The following ZFHX3 variants were observed in gnomAD, a reference collection of about 807,000 sequenced individuals.
The protein encoded by ZFHX3 is zinc finger homeobox 3, also known as zinc finger homeobox protein 3.
A neutral mutation model predicts 279.1 loss-of-function variants in ZFHX3; 42 were observed. The ratio of observed to expected loss-of-function variants is 0.15; its 90% CI spans 0.12 to 0.19. The LOEUF (loss-of-function observed/expected upper bound fraction) is 0.19, where lower values mean the gene tolerates loss of function less well. Among genes scored for constraint, ZFHX3 ranks in the 10% least tolerant of loss-of-function variants. The probability of loss-of-function intolerance (pLI) is 1.00; values close to 1 mark genes in which losing one functional copy is unlikely to be tolerated. For synonymous variants in ZFHX3, 2,293 were observed against 1,957.8 expected (o/e 1.17, Z -4.52); for missense variants, 4,981 against 4,754.0 (o/e 1.05, Z -1.40).
At chr16:73,774,572 C>T (rs1437498931) in intron 1 of ZFHX3, among the ~76,000 whole-genome samples, 1 of 152,166 alleles carries the variant, frequency 6.6e-6, no homozygotes, top group African/African-American at 2.4e-5. Flanking sequence ...TCCTAAGTAA[C>T]AAATATGCTT....
chr16:73,421,705 T>C (rs1250062750), intron 3 of ZFHX3, among the ~76,000 whole-genome samples: 1 of 152,166 alleles, frequency 6.6e-6, no homozygotes, highest in Non-Finnish European at 1.5e-5. Context: ...GAATCTGCAC[T>C]TGTGGCAGAA....
chr16:73,085,107 C>T (rs1965996357), intron 8 of ZFHX3, among the ~76,000 whole-genome samples: 1 of 152,136 alleles, frequency 6.6e-6, no homozygotes, highest in South Asian at 2.1e-4. Flanking sequence ...AAGAACAAAG[C>T]TGGAGGCACT....
At chr16:73,390,856 C>G (rs1190008244) in intron 3 of ZFHX3, among the ~76,000 whole-genome samples, 1 of 152,068 alleles carries the variant, frequency 6.6e-6, no homozygotes, top group Non-Finnish European at 1.5e-5. Context: ...TAAAAAAAAT[C>G]ATTAAACAAC....
chr16:73,673,949 A>G (rs1287552455), intron 2 of ZFHX3, among the ~76,000 whole-genome samples: 1 of 152,212 alleles, frequency 6.6e-6, no homozygotes, highest in Admixed American at 6.5e-5. Context: ...CCCCTAAGTC[A>G]GGTGACGAAC....
At chr16:73,641,683 A>G (rs538353069) in intron 2 of ZFHX3, among the ~76,000 whole-genome samples, 32 of 152,142 alleles carry the variant, frequency 2.1e-4, no homozygotes, top group Non-Finnish European at 4.3e-4. Context: ...AATAAGTAAA[A>G]GCAGCATTAT....
At chr16:73,747,235 T>C (rs1463497560) in intron 1 of ZFHX3, among the ~76,000 whole-genome samples, 1 of 152,008 alleles carries the variant, frequency 6.6e-6, no homozygotes, top group Non-Finnish European at 1.5e-5. Context: ...ATAATAAAAA[T>C]TAGCCAGACA....
chr16:72,862,226 TGG>T (rs920584195), intron 4 of ZFHX3, among the ~76,000 whole-genome samples: 1 of 152,104 alleles, frequency 6.6e-6, no homozygotes, highest in Non-Finnish European at 1.5e-5. Flanking sequence ...CTTACAAAGG[TGG>T]GTCTGGTGGT....
intron 3 of ZFHX3, among the ~76,000 whole-genome samples, chr16:72,893,555 A>G (rs2144094206): frequency 7.3e-6 from 1 of 137,606 alleles, no homozygotes; most frequent in Non-Finnish European, 1.6e-5. Flanking sequence ...AAAAATGGAT[A>G]TGATAAAAGA....
rs566490809 is a variant in ZFHX3 at position 72,924,359 on chromosome 16, C to T, written c.3216+26110G>A. On this transcript the variant is annotated intron_variant, in intron 3 of 9. Coordinates refer to ENST00000268489, the MANE Select transcript of ZFHX3 (RefSeq NM_006885.4). Reference sequence around the variant, plus strand: ...AACAGCCTCTGATTTCCTACAAGGACGGTCACTGACTGTAAAACTACAAGA... The same window carrying T: ...AACAGCCTCTGATTTCCTACAAGGATGGTCACTGACTGTAAAACTACAAGA... 9.0e-4 allele frequency among the ~76,000 whole-genome samples: 137 copies of T among 152,274 alleles called. 1 individual carries two copies. The highest frequency in any genetic ancestry group is 2.2e-3 in the African/African-American group (92 of 41,552).
intron 4 of ZFHX3, among the ~76,000 whole-genome samples, chr16:73,261,668 G>GCTTTT (rs1242491554): frequency 2.5e-5 from 2 of 80,702 alleles, no homozygotes; most frequent in African/African-American, 4.8e-5. Context: ...TCCTGTGATT[G>GCTTTT]TTTTTTTTTT....
In ZFHX3 at chr16:72,797,458, CTTGTTGTTG is replaced by C. The variant is rs34918837; in HGVS notation, c.5215_5223del (p.Gln1739_Gln1741del). The C allele has an allele frequency of 3.3e-4, 526 of 1,605,782 alleles. No homozygotes were observed. The highest frequency in any genetic ancestry group is 1.0e-3 in the Middle Eastern group (6 of 6,004). ...GCCTGGGCCTGGGCCAGCGTTTGTG[CTTGTTGTTG>C]TTGTTGTTGTTGTTGTTGTTGCTGT... On this transcript the variant is annotated inframe_deletion, in exon 9 of 10. Coordinates refer to ENST00000268489, the MANE Select transcript of ZFHX3 (RefSeq NM_006885.4).
intron 4 of ZFHX3, among the ~76,000 whole-genome samples, chr16:73,314,373 C>G (rs1232001284): frequency 6.6e-6 from 1 of 152,178 alleles, no homozygotes; most frequent in Non-Finnish European, 1.5e-5. Context: ...TCTGCCTGTA[C>G]CTTTCCTATT....
At chr16:73,177,031 T>G (rs1169834930) in intron 5 of ZFHX3, among the ~76,000 whole-genome samples, 1 of 152,096 alleles carries the variant, frequency 6.6e-6, no homozygotes, top group African/African-American at 2.4e-5. Context: ...GAAGGTGACA[T>G]TTGTATATCC....
intron 2 of ZFHX3, among the ~76,000 whole-genome samples, chr16:73,671,739 A>C (rs542315359): frequency 6.6e-6 from 1 of 152,342 alleles, no homozygotes; most frequent in African/African-American, 2.4e-5. Flanking sequence ...TAAGCCAACT[A>C]GTTCCAAATT....
chr16:73,881,394 A>T (rs1259135780), intron 1 of ZFHX3, among the ~76,000 whole-genome samples: 3 of 145,236 alleles, frequency 2.1e-5, no homozygotes, highest in African/African-American at 7.6e-5. Context: ...GTCGTATTGG[A>T]CCCAGGAAGG....
chr16:72,922,853 T>C (rs749594397), intron 3 of ZFHX3, among the ~76,000 whole-genome samples: 5 of 152,160 alleles, frequency 3.3e-5, no homozygotes, highest in Non-Finnish European at 7.4e-5. Flanking sequence ...CTGAGGCTGA[T>C]ACCTGTCAGG....
Position 72,788,224 on chromosome 16 carries a change from G to A in ZFHX3, c.10052C>T (p.Ala3351Val). The A allele has an allele frequency of 6.2e-7, 1 of 1,613,784 alleles. No individual in the cohort carries two copies. The highest frequency in any genetic ancestry group is 8.5e-7 in the Non-Finnish European group (1 of 1,179,788). ...LFPYSPALSQALMGLSPGSLL... is the reference protein window; with the variant it reads ...LFPYSPALSQVLMGLSPGSLL... ...GGAGCCTGGGGACAGCCCCATCAGG[G>A]CCTGCGACAGTGCAGGGCTGTAGGG... The change falls in exon 10 of 10, where the codon GCC (alanine) becomes GTC (valine). Residue 3351 changes from alanine (A) to valine (V), a missense_variant. Ala to Val is a moderately conservative substitution (Grantham distance 64, BLOSUM62 0). Transcript: ENST00000268489.
upstream of ZFHX3, among the ~76,000 whole-genome samples, chr16:73,050,731 T>C (rs1965433044): frequency 6.6e-6 from 1 of 152,192 alleles, no homozygotes; most frequent in South Asian, 2.1e-4. Context: ...CAGCCTGACA[T>C]TCTCATCGCT....
intron 4 of ZFHX3, among the ~76,000 whole-genome samples, chr16:73,301,767 T>G (rs1235046475): frequency 6.6e-6 from 1 of 151,992 alleles, no homozygotes; most frequent in Non-Finnish European, 1.5e-5. Context: ...GCTTTTTTTT[T>G]TTTTTTGTGA....
Sources: gnomAD v4.1 joint callset for allele counts (sites outside exome capture counted in the v4.1 genomes callset) on GRCh38, gnomAD v4.1.1 for gene constraint, MANE v1.5 for transcripts, NCBI Gene and HGNC (gene_info 2026-07-23, HGNC 2026-07-21) for gene names.